ZNF562: variants seen among roughly 807,000 people sequenced by gnomAD.
The protein encoded by ZNF562 is zinc finger protein 562.
In ZNF562, 13 loss-of-function variants were observed where a neutral mutation model predicts 17.5. The ratio of observed to expected loss-of-function variants is 0.74; its 90% CI spans 0.48 to 1.18. The LOEUF (loss-of-function observed/expected upper bound fraction) is 1.18. Ranked by LOEUF, ZNF562 falls within the 50% of genes most tolerant of loss-of-function variation. The probability of loss-of-function intolerance (pLI) is 0.00; values close to 1 mark genes in which losing one functional copy is unlikely to be tolerated. For synonymous variants in ZNF562, 163 were observed against 165.4 expected (o/e 0.99, Z 0.11); for missense variants, 481 against 498.5 (o/e 0.96, Z 0.33).
Position 9,649,139 on chromosome 19 carries a change from C to T in ZNF562, c.*3810G>A, listed in dbSNP as rs1460409966. The T allele has an allele frequency of 1.3e-5, 2 of 152,158 alleles. No individual in the cohort carries two copies. The highest frequency in any genetic ancestry group is 4.8e-5 in the African/African-American group (2 of 41,450). The allele number at this position is 152,158 out of a possible 1,614,324, so 9.4% of individuals were successfully genotyped here. ...TTCTTATGCCTGTCTTTACTGCAAT[C>T]TCTAAACATAAATTGTAAAGATTTC... is the stretch of plus-strand genomic sequence containing the variant. On this transcript the variant is annotated 3_prime_UTR_variant, in exon 6 of 6. Transcript: ENST00000453372.
intron 5 of ZNF562, among the ~76,000 whole-genome samples, chr19:9,654,957 G>T (rs2043406550): frequency 6.6e-6 from 1 of 152,026 alleles, no homozygotes; most frequent in African/African-American, 2.4e-5. Context: ...CTATGCCACT[G>T]GCTCTAATTG....
chr19:9,669,573 C>T (rs938390864), intron 1 of ZNF562, among the ~76,000 whole-genome samples: 3 of 152,036 alleles, frequency 2.0e-5, no homozygotes, highest in East Asian at 1.9e-4. Flanking sequence ...GCCTTTAATC[C>T]CAAAACTTGA....
chr19:9,669,851 C>G (rs543986239), intron 1 of ZNF562, among the ~76,000 whole-genome samples: 54 of 151,466 alleles, frequency 3.6e-4, no homozygotes, highest in African/African-American at 1.3e-3. Context: ...CATTTGAGGT[C>G]AGGAGTTTGA....
At chr19:9,665,502 A>G (rs1392158717) in intron 1 of ZNF562, among the ~76,000 whole-genome samples, 1 of 152,158 alleles carries the variant, frequency 6.6e-6, no homozygotes, top group African/African-American at 2.4e-5. Context: ...AAATACCCTG[A>G]GGACATCCAG....
rs1209258497 is a variant in ZNF562, at chr19:9,653,673, G to T, written c.557C>A (p.Thr186Asn). The T allele has an allele frequency of 1.1e-5, 18 of 1,614,084 alleles. No individual in the cohort carries two copies. Among genetic ancestry groups the T allele is most frequent in the Non-Finnish European group, 1.5e-5 (18 of 1,179,956 alleles). ...SKFNPCGKVFTLTPGLAVHLE... is the reference protein window; with the variant it reads ...SKFNPCGKVFNLTPGLAVHLE... ...ATGCACAGCAAGGCCTGGAGTTAAG[G>T]TGAAGACTTTTCCACATGGATTAAA... Residue 186 changes from threonine to asparagine, a missense_variant, in exon 6 of 6, where the codon ACC becomes AAC. This residue lies in a region of ZNF562 where 403 missense variants were observed against 386.4 expected (regional missense o/e 1.04). Coordinates refer to ENST00000453372, the MANE Select transcript of ZNF562 (RefSeq NM_001130031.2).
At chr19:9,673,162 T>C (rs551021988) in intron 1 of ZNF562, among the ~76,000 whole-genome samples, 25 of 152,182 alleles carry the variant, frequency 1.6e-4, no homozygotes, top group African/African-American at 5.5e-4. Context: ...TACCCTTCCT[T>C]ATTTGGGGAA....
In ZNF562 at chr19:9,644,494, C is replaced by T. The variant is rs2074793577; in HGVS notation, c.*8455G>A. The T allele has an allele frequency of 6.6e-6, 1 of 152,120 alleles. No individual in the cohort carries two copies. The highest frequency in any genetic ancestry group is 6.6e-5 in the Admixed American group (1 of 15,256). 9.4% of individuals were successfully genotyped at this position (152,120 alleles called of 1,614,324 possible). A position where few individuals can be genotyped will look rare whatever the true frequency, so the allele number is the denominator to read the frequency against. On this transcript the variant is annotated 3_prime_UTR_variant, in exon 6 of 6. Transcript: ENST00000453372. Reference sequence around the variant, plus strand: ...GTTGTTACAGTGTGAGCCACCGTGCCTGGCCGAGACTGGGTAAGTTATGAA... The same window carrying T: ...GTTGTTACAGTGTGAGCCACCGTGCTTGGCCGAGACTGGGTAAGTTATGAA...
intron 4 of ZNF562, among the ~76,000 whole-genome samples, chr19:9,656,879 T>A (rs983308113): frequency 6.8e-6 from 1 of 146,850 alleles, no homozygotes; most frequent in African/African-American, 2.5e-5. Flanking sequence ...AAAATATATA[T>A]ATATATATAT....
At position 9,647,621 on chromosome 19, in the gene ZNF562, G is replaced by C. The variant is rs1054345043; in HGVS notation, c.*5328C>G. 1 of 152,124 alleles carries C rather than the reference G, an allele frequency of 6.6e-6. No homozygotes were observed. Among genetic ancestry groups the C allele is most frequent in the African/African-American group, 2.4e-5 (1 of 41,436 alleles). The allele number at this position is 152,124 out of a possible 1,614,324, so 9.4% of individuals were successfully genotyped here. On this transcript the variant is annotated 3_prime_UTR_variant, in exon 6 of 6. Coordinates refer to ENST00000453372, the MANE Select transcript of ZNF562 (RefSeq NM_001130031.2). ...TAATCCCAGTACTTTGGGAGTATGA[G>C]GCATGCAGATCACCTGAGGTCAGGA...
chr19:9,669,728 G>GCACACA (rs1456853171), intron 1 of ZNF562, among the ~76,000 whole-genome samples: 17 of 84,830 alleles, frequency 2.0e-4, no homozygotes, highest in South Asian at 7.2e-4. Context: ...GCGCGCGCGC[G>GCACACA]CGCGCGCACA....
At position 9,656,540 on chromosome 19, in the gene ZNF562, A is replaced by G. The variant is rs375398558; in HGVS notation, c.348+7T>C. The G allele has an allele frequency of 1.6e-5, 26 of 1,612,690 alleles. No individual in the cohort carries two copies. The highest frequency in any genetic ancestry group is 2.1e-5 in the Non-Finnish European group (25 of 1,179,610). ...AGAAAAAAATAAGTATCCCTCATGA[A>G]TCTTACCATTTGTATCCCAGTGAAT... On this transcript the variant is annotated splice_region_variant and intron_variant, in intron 5 of 5. Coordinates refer to ENST00000453372, the MANE Select transcript of ZNF562 (RefSeq NM_001130031.2).
chr19:9,669,724 G>GCGCA (rs2044089414), intron 1 of ZNF562, among the ~76,000 whole-genome samples: 2 of 77,990 alleles, frequency 2.6e-5, no homozygotes, highest in South Asian at 3.5e-4. Context: ...GCGAGCGCGC[G>GCGCA]CGCGCGCGCG....
At position 9,642,329 on chromosome 19, in the gene ZNF562, C is replaced by T. The variant is rs1392432524; in HGVS notation, c.*10620G>A. On this transcript the variant is annotated 3_prime_UTR_variant, in exon 6 of 6. Transcript: ENST00000453372. ...ACAGGGTTTCACTCTGTCACACAGGCTGAAGTATAGTGGCATTATCATGGC... is the reference window on the plus strand; with the variant it reads ...ACAGGGTTTCACTCTGTCACACAGGTTGAAGTATAGTGGCATTATCATGGC... The T allele has an allele frequency of 6.6e-6, 1 of 151,028 alleles. No homozygotes were observed. The highest frequency in any genetic ancestry group is 1.5e-5 in the Non-Finnish European group (1 of 67,924). The allele number at this position is 151,028 out of a possible 1,614,324, so 9.4% of individuals were successfully genotyped here. A position where few individuals can be genotyped will look rare whatever the true frequency, so the allele number is the denominator to read the frequency against.
intron 1 of ZNF562, among the ~76,000 whole-genome samples, chr19:9,669,716 GAGCGCGCGCGCGCGCGCGCA>G (rs1568281551): frequency 2.9e-4 from 24 of 83,974 alleles, no homozygotes; most frequent in South Asian, 1.0e-3. Flanking sequence ...GCACGCGCGC[GAGCGCGCGCGCGCGCGCGCA>G]CACACACACA....
intron 1 of ZNF562, among the ~76,000 whole-genome samples, chr19:9,666,337 A>C (rs1182062394): frequency 6.6e-6 from 1 of 151,970 alleles, no homozygotes; most frequent in Non-Finnish European, 1.5e-5. Context: ...AAAAAAAAAA[A>C]AAAAATTACA....
In ZNF562 at chr19:9,647,527, G is replaced by A. The variant is rs2074816704; in HGVS notation, c.*5422C>T. 1 of 152,092 alleles carries A rather than the reference G, an allele frequency of 6.6e-6. No homozygotes were observed. The highest frequency in any genetic ancestry group is 1.5e-5 in the Non-Finnish European group (1 of 68,026). The allele number at this position is 152,092 out of a possible 1,614,324, so 9.4% of individuals were successfully genotyped here. A position where few individuals can be genotyped will look rare whatever the true frequency, so the allele number is the denominator to read the frequency against. On this transcript the variant is annotated 3_prime_UTR_variant, in exon 6 of 6. Coordinates refer to ENST00000453372, the MANE Select transcript of ZNF562 (RefSeq NM_001130031.2). ...TTAAAAGTGTGAGCCACTATGACCA[G>A]CCAGAAGAGATAATTTTAACTTTTT...
intron 2 of ZNF562, among the ~76,000 whole-genome samples, chr19:9,659,980 T>TAAAAA (rs2043672796): frequency 1.6e-5 from 1 of 64,488 alleles, no homozygotes; most frequent in African/African-American, 5.8e-5. Flanking sequence ...AAAAAAAAAC[T>TAAAAA]ACAGGAGGCT....
rs1599293665 is a variant in ZNF562, at chr19:9,660,703, C to T, written c.25+17G>A. 2 of 1,611,534 alleles carry T rather than the reference C, an allele frequency of 1.2e-6. No homozygotes were observed. Among genetic ancestry groups the T allele is most frequent in the Non-Finnish European group, 1.7e-6 (2 of 1,178,600 alleles). Reference sequence around the variant, plus strand: ...CTAAAGCAGAATCTCTGAAAAAGAGCATCAACAAGGACTTACCATGGGACA... The same window carrying T: ...CTAAAGCAGAATCTCTGAAAAAGAGTATCAACAAGGACTTACCATGGGACA... On this transcript the variant is annotated intron_variant, in intron 2 of 5. Coordinates refer to ENST00000453372, the MANE Select transcript of ZNF562 (RefSeq NM_001130031.2).
chr19:9,660,098 A>AG (rs1239121747), intron 2 of ZNF562, among the ~76,000 whole-genome samples: 1 of 147,966 alleles, frequency 6.8e-6, no homozygotes, highest in East Asian at 2.0e-4. Context: ...CAAAAAAAAA[A>AG]AAAAAAAAAA....
Sources: allele counts gnomAD v4.1 joint callset (sites outside exome capture counted in the v4.1 genomes callset), GRCh38; gene constraint gnomAD v4.1.1; regional missense constraint gnomAD v4.1.1; transcripts MANE v1.5; gene names NCBI Gene and HGNC (gene_info 2026-07-23, HGNC 2026-07-21).